GALNT13: variants seen among roughly 807,000 people sequenced by gnomAD.
GALNT13 encodes the protein UDP-GalNAc:polypeptide N-acetylgalactosaminyltransferase 13.
Under a neutral mutation model 64.2 loss-of-function variants are expected in GALNT13, and 28 were observed. The observed-to-expected ratio is 0.44, with a 90% CI of 0.32 to 0.60. The LOEUF is 0.60. GALNT13 is among the 20% of genes least tolerant of loss of function. The probability of loss-of-function intolerance (pLI) is 0.05; values close to 1 mark genes in which losing one functional copy is unlikely to be tolerated. For synonymous variants in GALNT13, 214 were observed against 224.6 expected, an observed-to-expected ratio of 0.95 and a Z score of 0.42; for missense variants, 577 against 669.8, an observed-to-expected ratio of 0.86 and a Z score of 1.53.
chr2:153,247,225 C>T, the GALNT13 span, among the ~76,000 whole-genome samples: 7 of 152,048 alleles, frequency 4.6e-5, no homozygotes, highest in African/African-American at 1.2e-4. Flanking sequence ...TTAGGAAGAT[C>T]GACAAAACAG....
the GALNT13 span, among the ~76,000 whole-genome samples, chr2:153,373,132 TTGTGTG>T: frequency 2.0e-4 from 30 of 148,850 alleles, no homozygotes; most frequent in Admixed American, 6.7e-4. Flanking sequence ...TTCTGTTGCT[TTGTGTG>T]TGTGTGTGTG....
chr2:153,967,401 T>G (rs930173167), intron 3 of GALNT13, among the ~76,000 whole-genome samples: 2 of 152,156 alleles, frequency 1.3e-5, no homozygotes, highest in African/African-American at 4.8e-5. Context: ...TCAAAGGGGA[T>G]TGAGTGTTGT....
At chr2:153,734,516 C>T in the GALNT13 span, among the ~76,000 whole-genome samples, 2 of 152,168 alleles carry the variant, frequency 1.3e-5, no homozygotes, top group Non-Finnish European at 2.9e-5. Context: ...CCTTCTTAAA[C>T]TGCAGGCCCT....
chr2:154,149,045 G>T (rs1281208593), intron 4 of GALNT13, among the ~76,000 whole-genome samples: 3 of 152,108 alleles, frequency 2.0e-5, no homozygotes, highest in African/African-American at 7.2e-5. Flanking sequence ...TTCTTCTAGG[G>T]TTTTTATGGT....
intron 11 of GALNT13, among the ~76,000 whole-genome samples, chr2:154,428,465 G>A (rs968732722): frequency 6.6e-6 from 1 of 152,126 alleles, no homozygotes; most frequent in African/African-American, 2.4e-5. Context: ...AAATATACAT[G>A]TAGACATTTT....
At chr2:153,271,007 T>C in the GALNT13 span, among the ~76,000 whole-genome samples, 1 of 151,964 alleles carries the variant, frequency 6.6e-6, no homozygotes, top group Non-Finnish European at 1.5e-5. Context: ...ACAGAACCAA[T>C]GAAAAAAACC....
At chr2:154,269,280 A>G (rs1691191973) in intron 8 of GALNT13, among the ~76,000 whole-genome samples, 1 of 152,132 alleles carries the variant, frequency 6.6e-6, no homozygotes, top group Non-Finnish European at 1.5e-5. Context: ...AATTTTGACA[A>G]GTGAAAACAT....
At chr2:154,438,515 G>A in intron 11 of GALNT13, 77 bp from the exon 12 acceptor site, 7 of 1,035,980 alleles carry the variant, frequency 6.8e-6, no homozygotes, top group Non-Finnish European at 9.9e-6. Flanking sequence ...TGATACGAAA[G>A]CTTCCCTGGA....
chr2:153,434,831 T>C, the GALNT13 span, among the ~76,000 whole-genome samples: 1 of 152,150 alleles, frequency 6.6e-6, no homozygotes, highest in African/African-American at 2.4e-5. Flanking sequence ...CTCTTTAGTT[T>C]AATTAGATCC....
chr2:153,182,336 G>A, the GALNT13 span, among the ~76,000 whole-genome samples: 5 of 152,174 alleles, frequency 3.3e-5, no homozygotes, highest in Non-Finnish European at 5.9e-5. Flanking sequence ...GAGCCACAGT[G>A]CCCGGCTGCA....
At chr2:153,744,984 T>C in the GALNT13 span, among the ~76,000 whole-genome samples, 2 of 152,112 alleles carry the variant, frequency 1.3e-5, no homozygotes, top group African/African-American at 4.8e-5. Flanking sequence ...AGGCAGAGCA[T>C]GGTTTCAGAA....
At chr2:153,592,199 G>A in the GALNT13 span, among the ~76,000 whole-genome samples, 4 of 152,058 alleles carry the variant, frequency 2.6e-5, no homozygotes, top group Admixed American at 6.6e-5. Context: ...TGTTGGTGAG[G>A]ATGCAGTGAA....
chr2:154,271,564 C>T (rs934836396), intron 8 of GALNT13, among the ~76,000 whole-genome samples: 40 of 151,852 alleles, frequency 2.6e-4, no homozygotes, highest in Admixed American at 2.3e-3. Context: ...TGTCATAAAC[C>T]TAGCCCTCTT....
At chr2:153,844,596 C>T in the GALNT13 span, among the ~76,000 whole-genome samples, 3 of 152,208 alleles carry the variant, frequency 2.0e-5, no homozygotes, top group African/African-American at 7.2e-5. Flanking sequence ...GTACAAATTT[C>T]TCTAACAAGT....
At chr2:154,373,640 A>G (rs942399953) in intron 9 of GALNT13, among the ~76,000 whole-genome samples, 6 of 152,230 alleles carry the variant, frequency 3.9e-5, no homozygotes, top group Non-Finnish European at 8.8e-5. Context: ...AAAATAAAAG[A>G]GCATCCCATG....
chr2:153,315,689 T>C, the GALNT13 span, among the ~76,000 whole-genome samples: 1 of 152,172 alleles, frequency 6.6e-6, no homozygotes, highest in Non-Finnish European at 1.5e-5. Context: ...ACCAGGTTGG[T>C]ATCATTAACA....
chr2:153,467,707 C>T, the GALNT13 span, among the ~76,000 whole-genome samples: 1 of 152,030 alleles, frequency 6.6e-6, no homozygotes, highest in African/African-American at 2.4e-5. Context: ...CTAGCAGTAA[C>T]TGCAGTCAAA....
At chr2:154,238,914 C>T (rs1476614896) in intron 4 of GALNT13, among the ~76,000 whole-genome samples, 3 of 151,990 alleles carry the variant, frequency 2.0e-5, no homozygotes, top group Non-Finnish European at 4.4e-5. Context: ...TAATTATAGT[C>T]ACCATGCTGT....
chr2:153,407,868 G>T, the GALNT13 span, among the ~76,000 whole-genome samples: 1 of 152,304 alleles, frequency 6.6e-6, no homozygotes, highest in African/African-American at 2.4e-5. Flanking sequence ...AGGCTTGTGT[G>T]CCACTTTTAT....
Sources: gnomAD v4.1 joint callset for allele counts (sites outside exome capture counted in the v4.1 genomes callset) on GRCh38, gnomAD v4.1.1 for gene constraint, MANE v1.5 for transcripts, NCBI Gene and HGNC (gene_info 2026-07-23, HGNC 2026-07-21) for gene names.